Variants in ANKH observed in about 807,000 individuals in gnomAD.
The protein encoded by ANKH is ANKH inorganic pyrophosphate transport regulator.
In ANKH, 15 loss-of-function variants were observed where a neutral mutation model predicts 49.0. That is an observed-to-expected ratio of 0.31 (90% CI 0.20 to 0.47). The LOEUF (loss-of-function observed/expected upper bound fraction) is 0.47, where lower values mean the gene tolerates loss of function less well. ANKH is among the 20% of genes least tolerant of loss of function. The pLI, the probability that ANKH is intolerant of heterozygous loss-of-function variation, is 1.00. For synonymous variants in ANKH, 273 were observed against 260.0 expected (o/e 1.05, Z -0.48); for missense variants, 429 against 652.0 (o/e 0.66, Z 3.72).
chr5:14,830,429 C>T (rs1480855948), intron 1 of ANKH, among the ~76,000 whole-genome samples: 1 of 151,976 alleles, frequency 6.6e-6, no homozygotes, highest in Non-Finnish European at 1.5e-5. Context: ...CAAACACAGT[C>T]CTAGGCTGCA....
chr5:14,705,229 G>C lies in ANKH; in HGVS notation c.*5968C>G. On this transcript the variant is annotated 3_prime_UTR_variant, in exon 12 of 12. Coordinates refer to ENST00000284268, the MANE Select transcript of ANKH (RefSeq NM_054027.6). ...TTGATGTGAAACTGACAAACCTATGGGCTGACAGCCACAGCCCATGTAGAG... is the reference window on the plus strand; with the variant it reads ...TTGATGTGAAACTGACAAACCTATGCGCTGACAGCCACAGCCCATGTAGAG... 1 of 152,056 alleles carries C rather than the reference G, an allele frequency of 6.6e-6. No homozygotes were observed. Among genetic ancestry groups the C allele is most frequent in the South Asian group, 2.1e-4 (1 of 4,808 alleles). The allele number at this position is 152,056 out of a possible 1,614,324, so 9.4% of individuals were successfully genotyped here.
intron 8 of ANKH, among the ~76,000 whole-genome samples, chr5:14,733,472 G>A (rs1238633840): frequency 6.6e-6 from 1 of 152,190 alleles, no homozygotes; most frequent in East Asian, 1.9e-4. Context: ...CCTGGGAGAG[G>A]GAAGCCAGTG....
chr5:14,711,161 C>A lies in ANKH; in HGVS notation c.*36G>T. ...AGATGATGCCGAAGTGTCATCCTGA[C>A]TGACTGTCCCTGCAGTGCCCATGGC... On this transcript the variant is annotated 3_prime_UTR_variant, in exon 12 of 12. Coordinates refer to ENST00000284268, the MANE Select transcript of ANKH (RefSeq NM_054027.6). The A allele has an allele frequency of 6.6e-7, 1 of 1,520,112 alleles. No homozygotes were observed. Among genetic ancestry groups the A allele is most frequent in the African/African-American group, 1.4e-5 (1 of 73,168 alleles). 94.2% of individuals were successfully genotyped at this position (1,520,112 alleles called of 1,614,324 possible).
intron 1 of ANKH, among the ~76,000 whole-genome samples, chr5:14,826,175 ATG>A (rs1741337946): frequency 6.6e-6 from 1 of 152,216 alleles, no homozygotes; most frequent in Non-Finnish European, 1.5e-5. Flanking sequence ...GTACACATTG[ATG>A]TGTGTTTTTC....
At chr5:14,755,980 C>T in intron 3 of ANKH, 36 bp from the exon 4 acceptor site, 5 of 1,556,588 alleles carry the variant, frequency 3.2e-6, no homozygotes, top group Non-Finnish European at 4.4e-6. Context: ...TGAGATACAC[C>T]TTCAGGATTA....
At chr5:14,721,840 G>A (rs1737675144) in intron 8 of ANKH, among the ~76,000 whole-genome samples, 1 of 138,300 alleles carries the variant, frequency 7.2e-6, no homozygotes, top group Non-Finnish European at 1.5e-5. Flanking sequence ...TGAGGCAGGA[G>A]AATGGCGTGA....
chr5:14,721,833 G>C (rs535449795), intron 8 of ANKH, among the ~76,000 whole-genome samples: 2 of 151,142 alleles, frequency 1.3e-5, no homozygotes, highest in East Asian at 3.9e-4. Context: ...GTGAGGCTGA[G>C]GCAGGAGAAT....
chr5:14,797,723 A>G, intron 1 of ANKH: 10 of 1,607,250 alleles, frequency 6.2e-6, no homozygotes, highest in Non-Finnish European at 8.5e-6. Flanking sequence ...CTATTGCCGT[A>G]TGCCCTGTAA....
chr5:14,841,300 T>G lies in ANKH; in HGVS notation c.96+30052A>C, dbSNP rs539037505. On this transcript the variant is annotated intron_variant, in intron 1 of 11. Transcript: ENST00000284268. ...GACATAACATAAAATATAACATTTA[T>G]TTTGTTTTTTTTTTTAGATGAAGTC... 1.7e-3 allele frequency among the ~76,000 whole-genome samples: 259 copies of G among 148,320 alleles called. 5 individuals carry two copies. Among genetic ancestry groups the G allele is most frequent in the Non-Finnish European group, 3.0e-4 (20 of 67,150 alleles).
intron 8 of ANKH, among the ~76,000 whole-genome samples, chr5:14,731,473 C>T (rs1433290514): frequency 4.6e-5 from 7 of 152,076 alleles, no homozygotes; most frequent in Non-Finnish European, 1.5e-5. Flanking sequence ...GGGTACCTTC[C>T]AAACCCCAGC....
At chr5:14,862,723 G>A (rs568587661) in intron 1 of ANKH, among the ~76,000 whole-genome samples, 2 of 152,306 alleles carry the variant, frequency 1.3e-5, no homozygotes, top group South Asian at 2.1e-4. Context: ...GCTCTGTGCT[G>A]CTCTGTTTGC....
At chr5:14,794,411 C>G (rs113251343) in intron 1 of ANKH, among the ~76,000 whole-genome samples, 1 of 152,174 alleles carries the variant, frequency 6.6e-6, no homozygotes, top group Non-Finnish European at 1.5e-5. Flanking sequence ...AAAGACAGCT[C>G]GGGGAGCACA....
chr5:14,830,508 G>GAA (rs1213812799), intron 1 of ANKH, among the ~76,000 whole-genome samples: 10 of 117,602 alleles, frequency 8.5e-5, no homozygotes, highest in Non-Finnish European at 1.4e-4. Context: ...TGAGGTAGGG[G>GAA]GAGTGTGTGT....
At chr5:14,803,076 TG>T (rs1325952748) in intron 1 of ANKH, among the ~76,000 whole-genome samples, 1 of 152,206 alleles carries the variant, frequency 6.6e-6, no homozygotes, top group Admixed American at 6.5e-5. Flanking sequence ...GAAATCAGTT[TG>T]ATAGGTCACA....
chr5:14,711,268 A>C lies in ANKH; in HGVS notation c.1408T>G (p.Ser470Ala), dbSNP rs1379147171. 1.9e-6 allele frequency: 3 copies of C among 1,614,126 alleles called. No individual in the cohort carries two copies. Among genetic ancestry groups the C allele is most frequent in the Admixed American group, 1.7e-5 (1 of 60,032 alleles). Residue 470 changes from serine to alanine, a missense_variant, in exon 12 of 12, where the codon TCT (serine) becomes GCT (alanine). Physicochemically the swap from Ser to Ala is moderately conservative, Grantham distance 99. This residue lies in a region of ANKH where 51 missense variants were observed against 36.7 expected (regional missense o/e 1.39). Transcript: ENST00000284268. Reference sequence around the variant, plus strand: ...GTCGGAGGCATGTCTGTCATGGCAGAGTCTTCCCCCTCCGTGGCCGACTCA... The same window carrying C: ...GTCGGAGGCATGTCTGTCATGGCAGCGTCTTCCCCCTCCGTGGCCGACTCA... ...ENESATEGED[S>A]AMTDMPPTEE...
rs1437867680 is a variant in ANKH, at chr5:14,713,841, G to C, written c.1142-174C>G. Among the ~76,000 whole-genome samples, 1 of 152,200 alleles carries C rather than the reference G, an allele frequency of 6.6e-6. No individual in the cohort carries two copies. Among genetic ancestry groups the C allele is most frequent in the African/African-American group, 2.4e-5 (1 of 41,440 alleles). ...CAGGGTTCCCCATCCCTGCTCCTGAGCCTAGGCCCGCCTCGGCTCCCCGCC... is the reference window on the plus strand; with the variant it reads ...CAGGGTTCCCCATCCCTGCTCCTGACCCTAGGCCCGCCTCGGCTCCCCGCC... On this transcript the variant is annotated intron_variant, in intron 9 of 11. Coordinates refer to ENST00000284268, the MANE Select transcript of ANKH (RefSeq NM_054027.6). The surrounding 1 kb of genome is among the most constrained non-coding windows in gnomAD (Gnocchi z 4.4).
intron 1 of ANKH, among the ~76,000 whole-genome samples, chr5:14,859,752 C>T (rs912431235): frequency 5.9e-5 from 9 of 152,144 alleles, no homozygotes; most frequent in African/African-American, 1.9e-4. Context: ...CACACAGGTA[C>T]GCATCCGTCA....
At chr5:14,831,094 T>C (rs1265923711) in intron 1 of ANKH, among the ~76,000 whole-genome samples, 1 of 152,200 alleles carries the variant, frequency 6.6e-6, no homozygotes, top group East Asian at 1.9e-4. Flanking sequence ...ACAAGGATAG[T>C]TCCTGCTGAA....
At chr5:14,838,107 C>A (rs1439485860) in intron 1 of ANKH, among the ~76,000 whole-genome samples, 1 of 151,832 alleles carries the variant, frequency 6.6e-6, no homozygotes, top group Non-Finnish European at 1.5e-5. Context: ...GCACCAGGGC[C>A]TGACGTGGGG....
Sources: gnomAD v4.1 joint callset for allele counts (sites outside exome capture counted in the v4.1 genomes callset) on GRCh38, gnomAD v4.1.1 for gene constraint, gnomAD v4.1.1 regional missense constraint, Gnocchi (gnomAD v3.1) non-coding constraint, MANE v1.5 for transcripts, NCBI Gene and HGNC (gene_info 2026-07-23, HGNC 2026-07-21) for gene names.